PRKAR2A: variants seen among roughly 807,000 people sequenced by gnomAD.
PRKAR2A encodes protein kinase cAMP-dependent type II regulatory subunit alpha, also known as cAMP-dependent protein kinase type II-alpha regulatory subunit.
A neutral mutation model predicts 51.9 loss-of-function variants in PRKAR2A; 29 were observed. The ratio of observed to expected loss-of-function variants is 0.56; its 90% confidence interval spans 0.42 to 0.76. The LOEUF (loss-of-function observed/expected upper bound fraction) is 0.76. Among genes scored for constraint, PRKAR2A ranks in the 30% least tolerant of loss-of-function variants. The pLI, the probability that PRKAR2A is intolerant of heterozygous loss-of-function variation, is 0.00. For missense variants in PRKAR2A, 445 were observed against 512.1 expected (o/e 0.87, Z 1.26); for synonymous variants, 178 against 186.2 (o/e 0.96, Z 0.36).
Position 48,752,335 on chromosome 3 carries a change from C to T in PRKAR2A, c.940-18G>A. ...GATTTAGTCTACAGCAGGCAAAGAA[C>T]ATGACCTAGGCTGACTCCAGGATCA... On this transcript the variant is annotated intron_variant, in intron 9 of 10. Transcript: ENST00000265563. 6.2e-7 allele frequency: 1 copy of T among 1,611,912 alleles called. No homozygotes were observed. Among genetic ancestry groups the T allele is most frequent in the Non-Finnish European group, 8.5e-7 (1 of 1,178,994 alleles).
At chr3:48,832,926 G>C (rs1319665552) in intron 1 of PRKAR2A, among the ~76,000 whole-genome samples, 1 of 152,144 alleles carries the variant, frequency 6.6e-6, no homozygotes, top group Non-Finnish European at 1.5e-5. Context: ...TCCTCATACA[G>C]TCTCCAGATT....
intron 4 of PRKAR2A, among the ~76,000 whole-genome samples, chr3:48,784,259 T>C (rs538121160): frequency 3.9e-5 from 6 of 152,324 alleles, no homozygotes; most frequent in Admixed American, 2.0e-4. Flanking sequence ...AAATGTAGAC[T>C]GAAGACCTGA....
At chr3:48,833,609 C>T (rs772239529) in intron 1 of PRKAR2A, among the ~76,000 whole-genome samples, 1 of 150,508 alleles carries the variant, frequency 6.6e-6, no homozygotes, top group Non-Finnish European at 1.5e-5. Flanking sequence ...ACTCGGGAGG[C>T]TGAGGCAAGA....
intron 6 of PRKAR2A, among the ~76,000 whole-genome samples, chr3:48,765,673 G>A (rs555621250): frequency 1.5e-5 from 2 of 129,162 alleles, no homozygotes; most frequent in African/African-American, 2.9e-5. Flanking sequence ...CTAGTGAGCC[G>A]AGATCATGTC....
intron 1 of PRKAR2A, among the ~76,000 whole-genome samples, chr3:48,821,218 G>A (rs2082954520): frequency 6.6e-6 from 1 of 152,122 alleles, no homozygotes; most frequent in Non-Finnish European, 1.5e-5. Flanking sequence ...AGATGACACA[G>A]AGCACTACTT....
At chr3:48,769,400 G>GC (rs2081992223) in intron 6 of PRKAR2A, among the ~76,000 whole-genome samples, 1 of 151,404 alleles carries the variant, frequency 6.6e-6, no homozygotes, top group Non-Finnish European at 1.5e-5. Context: ...CTCATGATCC[G>GC]CCCGCCTTGG....
rs1383936830 is a variant in PRKAR2A, at chr3:48,829,613, T to C, written c.262+17722A>G. 9.6e-5 allele frequency among the ~76,000 whole-genome samples: 13 copies of C among 135,876 alleles called. 3 individuals carry two copies. Among genetic ancestry groups the C allele is most frequent in the African/African-American group, 3.6e-4 (13 of 35,884 alleles). The allele number at this position is 135,876 out of a possible 152,430, so 89.1% of individuals were successfully genotyped here. A position where few individuals can be genotyped will look rare whatever the true frequency, so the allele number is the denominator to read the frequency against. On this transcript the variant is annotated intron_variant, in intron 1 of 10. Transcript: ENST00000265563. ...ATATATACACACACATAAATGTGTGTGTGTATACGTGTGTATACACACACA... is the reference window on the plus strand; with the variant it reads ...ATATATACACACACATAAATGTGTGCGTGTATACGTGTGTATACACACACA...
At chr3:48,792,230 C>T (rs1001727777) in intron 3 of PRKAR2A, among the ~76,000 whole-genome samples, 1 of 151,570 alleles carries the variant, frequency 6.6e-6, no homozygotes, top group African/African-American at 2.4e-5. Context: ...CAACCTCCAC[C>T]TCCCAGGTTC....
At chr3:48,826,601 TCCC>T (rs1381547139) in intron 1 of PRKAR2A, among the ~76,000 whole-genome samples, 7 of 152,054 alleles carry the variant, frequency 4.6e-5, no homozygotes, top group African/African-American at 1.7e-4. Context: ...CCCCTTTCTC[TCCC>T]CAGAGATTAG....
At chr3:48,761,834 T>G (rs57663452) in intron 8 of PRKAR2A, among the ~76,000 whole-genome samples, 6 of 152,122 alleles carry the variant, frequency 3.9e-5, no homozygotes, top group Non-Finnish European at 8.8e-5. Context: ...GCCAGGCTGG[T>G]CTCGAACTCC....
chr3:48,757,648 C>T (rs2081793101), intron 8 of PRKAR2A, among the ~76,000 whole-genome samples: 1 of 152,202 alleles, frequency 6.6e-6, no homozygotes. Flanking sequence ...AAAGGCCAGG[C>T]ACGGTGGCTC....
At chr3:48,802,706 A>G (rs2082609818) in intron 2 of PRKAR2A, among the ~76,000 whole-genome samples, 1 of 152,238 alleles carries the variant, frequency 6.6e-6, no homozygotes, top group South Asian at 2.1e-4. Flanking sequence ...CAGTCTCAGA[A>G]TAGAAGTAGA....
chr3:48,786,128 GT>G (rs566059607), intron 4 of PRKAR2A, among the ~76,000 whole-genome samples: 67 of 135,348 alleles, frequency 5.0e-4, no homozygotes, highest in African/African-American at 6.7e-4. Flanking sequence ...GTTTTTTTTT[GT>G]TTTTTTTTTT....
At position 48,847,764 on chromosome 3, in the gene PRKAR2A, T is replaced by G; in HGVS notation, c.-168A>C. 1.5e-6 allele frequency: 1 copy of G among 678,938 alleles called. No individual in the cohort carries two copies. Among genetic ancestry groups the G allele is most frequent in the Non-Finnish European group, 2.1e-6 (1 of 468,716 alleles). The allele number at this position is 678,938 out of a possible 1,614,324, so 42.1% of individuals were successfully genotyped here. A position where few individuals can be genotyped will look rare whatever the true frequency, so the allele number is the denominator to read the frequency against. ...TCTGCGTTTCCGGGCCGCGCAACCC[T>G]ACGCTACCACGGCCGACCTGGCACC... On this transcript the variant is annotated 5_prime_UTR_variant, in exon 1 of 11. Transcript: ENST00000265563. This position sits in a 1 kb window ranked among gnomAD's most constrained non-coding sequence, Gnocchi z 4.4.
intron 2 of PRKAR2A, among the ~76,000 whole-genome samples, chr3:48,798,461 A>G (rs2082533185): frequency 6.6e-6 from 1 of 152,108 alleles, no homozygotes. Context: ...CTCTTGTCCA[A>G]TGAATACATC....
chr3:48,760,768 G>A (rs1272855890), intron 8 of PRKAR2A, among the ~76,000 whole-genome samples: 1 of 151,466 alleles, frequency 6.6e-6, no homozygotes, highest in Non-Finnish European at 1.5e-5. Flanking sequence ...ACAGGAGGCG[G>A]GGGTGGTGGT....
At chr3:48,765,724 C>CAAAAAA (rs756566818) in intron 6 of PRKAR2A, among the ~76,000 whole-genome samples, 5 of 45,246 alleles carry the variant, frequency 1.1e-4, no homozygotes, top group Admixed American at 3.5e-4. Context: ...ACCCTCATTT[C>CAAAAAA]AAAAAAAAAA....
At position 48,748,721 on chromosome 3, in the gene PRKAR2A, T is replaced by C. The variant is rs1400890203; in HGVS notation, c.*2864A>G. Reference sequence around the variant, plus strand: ...TCTGTGTCACTCCTGAATCCCAATGTATCCGTTACCTTTACAAGAAACTGG... The same window carrying C: ...TCTGTGTCACTCCTGAATCCCAATGCATCCGTTACCTTTACAAGAAACTGG... On this transcript the variant is annotated 3_prime_UTR_variant, in exon 11 of 11. Transcript: ENST00000265563. 1 of 152,228 alleles carries C rather than the reference T, an allele frequency of 6.6e-6. No individual in the cohort carries two copies. The highest frequency in any genetic ancestry group is 1.5e-5 in the Non-Finnish European group (1 of 68,048). 9.4% of individuals were successfully genotyped at this position (152,228 alleles called of 1,614,324 possible).
intron 1 of PRKAR2A, among the ~76,000 whole-genome samples, chr3:48,818,751 GAA>G (rs1030127182): frequency 4.0e-5 from 6 of 151,802 alleles, no homozygotes; most frequent in African/African-American, 1.5e-4. Context: ...TCAAAAAAAA[GAA>G]AAGAGAACTT....
Sources: gnomAD v4.1 joint callset for allele counts (sites outside exome capture counted in the v4.1 genomes callset) on GRCh38, gnomAD v4.1.1 for gene constraint, Gnocchi (gnomAD v3.1) non-coding constraint, MANE v1.5 for transcripts, NCBI Gene and HGNC (gene_info 2026-07-23, HGNC 2026-07-21) for gene names.